The following B4GALNT2 variants were observed in gnomAD, a reference collection of about 807,000 sequenced individuals.
The protein encoded by B4GALNT2 is N-acetylneuraminylgalactosylglucosyl-glucoside beta-1,4-N- acetylgalactosaminyltransferase 2.
Under a neutral mutation model 51.1 loss-of-function variants are expected in B4GALNT2, and 42 were observed. That is an observed-to-expected ratio of 0.82 (90% confidence interval 0.64 to 1.06). The LOEUF (loss-of-function observed/expected upper bound fraction) is 1.06, where lower values mean the gene tolerates loss of function less well. B4GALNT2 is among the 50% of genes least tolerant of loss of function. The pLI is 0.00. For synonymous variants in B4GALNT2, 253 were observed against 251.7 expected, an observed-to-expected ratio of 1.01 and a Z score of -0.05; for missense variants, 602 against 633.6, an observed-to-expected ratio of 0.95 and a Z score of 0.54.
In B4GALNT2 at chr17:49,152,796, G is replaced by T; in HGVS notation, c.354-4G>T. The stretch of plus-strand genomic sequence containing the variant: ...TGCTGACGTTTCTGTTCTCCTTCCT[G>T]CAGAGAAGGGCTGCCCCGCCCACTG... On this transcript the variant is annotated splice_polypyrimidine_tract_variant and splice_region_variant and intron_variant, in intron 3 of 10. Coordinates refer to ENST00000393354, the MANE Select transcript of B4GALNT2 (RefSeq NM_001159387.2). The T allele has an allele frequency of 6.3e-7, 1 of 1,584,312 alleles. No homozygotes were observed. Among genetic ancestry groups the T allele is most frequent in the Admixed American group, 1.8e-5 (1 of 55,092 alleles).
intron 2 of B4GALNT2, 149 bp downstream of exon 2, chr17:49,141,596 T>G: frequency 1.2e-6 from 1 of 848,046 alleles, no homozygotes; most frequent in South Asian, 1.7e-5. Context: ...CAAGCCAGGA[T>G]GGGGCTTGGT....
chr17:49,125,717 G>A, the B4GALNT2 span, among the ~76,000 whole-genome samples: 2 of 132,594 alleles, frequency 1.5e-5, no homozygotes, highest in South Asian at 2.5e-4. Flanking sequence ...GTCGGCCCCC[G>A]CCGGGCCGGC....
chr17:49,132,638 G>A, upstream of B4GALNT2: 1 of 816,688 alleles, frequency 1.2e-6, no homozygotes, highest in East Asian at 3.4e-5. Flanking sequence ...GCTGGTGTGG[G>A]GGCGGTCAGG....
At position 49,170,950 on chromosome 17, in the gene B4GALNT2, A is replaced by G. The variant is rs1567869456; in HGVS notation, c.*1222A>G. 6.5e-6 allele frequency: 1 copy of G among 154,372 alleles called. No homozygotes were observed. The highest frequency in any genetic ancestry group is 1.4e-5 in the Non-Finnish European group (1 of 69,416). 9.6% of individuals were successfully genotyped at this position (154,372 alleles called of 1,614,324 possible). A position where few individuals can be genotyped will look rare whatever the true frequency, so the allele number is the denominator to read the frequency against. ...CATGTCCTTAAAGCACAGATAGCTCATACTATTATTTGTGGCTTAGGAATG... is the reference window on the plus strand; with the variant it reads ...CATGTCCTTAAAGCACAGATAGCTCGTACTATTATTTGTGGCTTAGGAATG... On this transcript the variant is annotated 3_prime_UTR_variant, in exon 11 of 11. Transcript: ENST00000393354.
intron 3 of B4GALNT2, among the ~76,000 whole-genome samples, chr17:49,143,490 T>C (rs1278364278): frequency 2.0e-5 from 3 of 152,144 alleles, no homozygotes; most frequent in African/African-American, 4.8e-5. Context: ...GGTCCCCATA[T>C]TGTTGTTGCT....
chr17:49,168,524 A>G lies in B4GALNT2; in HGVS notation c.1096-157A>G, dbSNP rs116864250. 1.0e-3 allele frequency among the ~76,000 whole-genome samples: 159 copies of G among 152,354 alleles called. 1 individual carries two copies. Among genetic ancestry groups the G allele is most frequent in the African/African-American group, 3.7e-3 (152 of 41,586 alleles). Reference sequence around the variant, plus strand: ...GTGGTATAGTGAAAGCCATGGCCACAGCAGCAACGAGGGAGTAACTGAGGG... The same window carrying G: ...GTGGTATAGTGAAAGCCATGGCCACGGCAGCAACGAGGGAGTAACTGAGGG... On this transcript the variant is annotated intron_variant, in intron 9 of 10. Transcript: ENST00000393354.
chr17:49,148,745 C>T (rs2042721418), intron 3 of B4GALNT2: 2 of 560,946 alleles, frequency 3.6e-6, no homozygotes, highest in Admixed American at 2.4e-5. Context: ...TCTTGGCCAC[C>T]GTGACTCCCT....
the B4GALNT2 span, among the ~76,000 whole-genome samples, chr17:49,121,198 CAGGCCTGCGCA>C: frequency 6.6e-6 from 1 of 152,148 alleles, no homozygotes; most frequent in Non-Finnish European, 1.5e-5. Context: ...TACTCTGAGC[CAGGCCTGCGCA>C]AGGCTCTGGG....
In B4GALNT2 at chr17:49,159,184, A is replaced by G; in HGVS notation, c.646A>G (p.Ser216Gly). ...KFILQHVTYT[S>G]TGYQHQKVDI... ...CATTCTTCAGCACGTGACATACACC[A>G]GCACGGGGTACCAGCACCAGAAGGT... Residue 216 changes from serine (S) to glycine (G), a missense_variant, in exon 6 of 11, where the codon AGC becomes GGC. Physicochemically the swap from Ser to Gly is moderately conservative, Grantham distance 56. Coordinates refer to ENST00000393354, the MANE Select transcript of B4GALNT2 (RefSeq NM_001159387.2). 1 of 1,614,228 alleles carries G rather than the reference A, an allele frequency of 6.2e-7. No homozygotes were observed. Among genetic ancestry groups the G allele is most frequent in the Non-Finnish European group, 8.5e-7 (1 of 1,180,044 alleles).
chr17:49,164,319 G>T (rs759518962), intron 8 of B4GALNT2, 44 bp downstream of exon 8: 7 of 1,555,814 alleles, frequency 4.5e-6, no homozygotes, highest in Non-Finnish European at 6.2e-6. Context: ...TCCAGGACAA[G>T]AGGGCCCCAG....
intron 3 of B4GALNT2, among the ~76,000 whole-genome samples, chr17:49,150,266 C>T (rs1404602175): frequency 8.4e-6 from 1 of 118,674 alleles, no homozygotes; most frequent in Non-Finnish European, 1.8e-5. Flanking sequence ...AGCCCCCCGC[C>T]CGGCCAGCCG....
At chr17:49,152,132 C>T (rs1006946000) in intron 3 of B4GALNT2, among the ~76,000 whole-genome samples, 9 of 152,146 alleles carry the variant, frequency 5.9e-5, no homozygotes, top group Non-Finnish European at 1.3e-4. Context: ...GTCCTGGCTT[C>T]TCTGACAGCT....
intron 7 of B4GALNT2, among the ~76,000 whole-genome samples, chr17:49,161,093 G>A (rs2042859866): frequency 6.6e-6 from 1 of 152,020 alleles, no homozygotes; most frequent in African/African-American, 2.4e-5. Context: ...TAGCCAATAT[G>A]GTGAAACCCC....
chr17:49,175,820 G>T lies in B4GALNT2; in HGVS notation c.*6092G>T, dbSNP rs1257623990. Reference sequence around the variant, plus strand: ...CACTGGGGCAACTACTTTTCACCCAGTGTCCTCTGGAAAAGAAAGATCTGT... The same window carrying T: ...CACTGGGGCAACTACTTTTCACCCATTGTCCTCTGGAAAAGAAAGATCTGT... On this transcript the variant is annotated 3_prime_UTR_variant, in exon 11 of 11. Transcript: ENST00000393354. The T allele has an allele frequency of 6.6e-6, 1 of 152,294 alleles. No individual in the cohort carries two copies. The highest frequency in any genetic ancestry group is 2.4e-5 in the African/African-American group (1 of 41,550). 9.4% of individuals were successfully genotyped at this position (152,294 alleles called of 1,614,324 possible). A position where few individuals can be genotyped will look rare whatever the true frequency, so the allele number is the denominator to read the frequency against.
intron 3 of B4GALNT2, among the ~76,000 whole-genome samples, chr17:49,146,154 T>C (rs1311270817): frequency 6.6e-6 from 1 of 152,154 alleles, no homozygotes; most frequent in Non-Finnish European, 1.5e-5. Context: ...TCTGGAGAAC[T>C]TTGCCTCAGC....
chr17:49,121,285 C>A, the B4GALNT2 span, among the ~76,000 whole-genome samples: 4 of 152,188 alleles, frequency 2.6e-5, no homozygotes, highest in Admixed American at 1.3e-4. Context: ...CTGGCATCAC[C>A]ACCTTTTTGG....
At chr17:49,149,901 T>G (rs981454055) in intron 3 of B4GALNT2, among the ~76,000 whole-genome samples, 4 of 152,316 alleles carry the variant, frequency 2.6e-5, no homozygotes, top group African/African-American at 9.6e-5. Flanking sequence ...TAACTAACGT[T>G]TGCTATCATC....
chr17:49,141,140 T>C (rs753625002), intron 1 of B4GALNT2, 107 bp from the exon 2 acceptor site: 4 of 1,059,920 alleles, frequency 3.8e-6, no homozygotes, highest in Non-Finnish European at 5.8e-6. Context: ...GTGACCAATA[T>C]AAGCTATGTG....
At chr17:49,153,103 C>T (rs1344550520) in intron 4 of B4GALNT2, among the ~76,000 whole-genome samples, 197 bp downstream of exon 4, 1 of 150,872 alleles carries the variant, frequency 6.6e-6, no homozygotes, top group Non-Finnish European at 1.5e-5. Flanking sequence ...ACCCCGCTGT[C>T]TCTTAAAAAA....
Sources: gnomAD v4.1 joint callset for allele counts (sites outside exome capture counted in the v4.1 genomes callset) on GRCh38, gnomAD v4.1.1 for gene constraint, MANE v1.5 for transcripts, NCBI Gene and HGNC (gene_info 2026-07-23, HGNC 2026-07-21) for gene names.